The following NPFFR2 variants were observed in gnomAD, a reference collection of about 807,000 sequenced individuals.
NPFFR2 encodes G-protein coupled receptor 74.
A neutral mutation model predicts 13.1 loss-of-function variants in NPFFR2; 15 were observed. That is an observed-to-expected ratio of 1.15 (90% CI 0.77 to 1.76). NPFFR2 has a LOEUF of 1.76. Among genes scored for constraint, NPFFR2 ranks in the 40% most tolerant of loss-of-function variants. The pLI is 0.00. For synonymous variants in NPFFR2, 190 were observed against 175.7 expected, an observed-to-expected ratio of 1.08 and a Z score of -0.65; for missense variants, 572 against 503.5, an observed-to-expected ratio of 1.14 and a Z score of -1.30.
intron 1 of NPFFR2, among the ~76,000 whole-genome samples, chr4:72,104,241 G>A (rs927238337): frequency 6.6e-6 from 1 of 151,900 alleles, no homozygotes; most frequent in Admixed American, 6.6e-5. Context: ...AGCTCTTTGG[G>A]TGCCCCATCA....
chr4:72,087,692 A>G (rs1414775601), intron 1 of NPFFR2, among the ~76,000 whole-genome samples: 1 of 152,076 alleles, frequency 6.6e-6, no homozygotes, highest in Non-Finnish European at 1.5e-5. Context: ...GCTGAAGATA[A>G]AGGAGAACTT....
At chr4:72,068,892 G>A (rs1029855377) in intron 1 of NPFFR2, 21 of 761,486 alleles carry the variant, frequency 2.8e-5, no homozygotes, top group Non-Finnish European at 4.2e-5. Flanking sequence ...GACACATATG[G>A]TTTGATTTCT....
chr4:72,128,516 C>T (rs1722134482), intron 1 of NPFFR2, 69 bp from the exon 2 acceptor site: 4 of 933,822 alleles, frequency 4.3e-6, no homozygotes, highest in African/African-American at 1.7e-5. Context: ...TCCTCTTAAA[C>T]TCAGGCACAG....
At chr4:72,086,284 G>C (rs1264942769) in intron 1 of NPFFR2, among the ~76,000 whole-genome samples, 1 of 152,030 alleles carries the variant, frequency 6.6e-6, no homozygotes, top group African/African-American at 2.4e-5. Context: ...TTTGCAGTGT[G>C]GTAATGGTTT....
intron 1 of NPFFR2, among the ~76,000 whole-genome samples, chr4:72,105,763 G>GA (rs998933044): frequency 1.6e-4 from 24 of 150,054 alleles, no homozygotes; most frequent in Middle Eastern, 3.4e-3. Context: ...TGACATCAAG[G>GA]AAAAAAAAAC....
intron 1 of NPFFR2, among the ~76,000 whole-genome samples, chr4:72,058,242 C>A: frequency 6.6e-6 from 1 of 151,664 alleles, no homozygotes; most frequent in Non-Finnish European, 1.5e-5. Context: ...ATAACTTACT[C>A]CTAGAGAGTT....
chr4:72,042,472 A>G (rs1180851043), intron 1 of NPFFR2, among the ~76,000 whole-genome samples: 4 of 152,200 alleles, frequency 2.6e-5, no homozygotes, highest in Non-Finnish European at 5.9e-5. Context: ...CAGAGGTTGG[A>G]ACAGTTTGGA....
At chr4:72,044,992 C>T (rs1380349368) in intron 1 of NPFFR2, among the ~76,000 whole-genome samples, 5 of 151,860 alleles carry the variant, frequency 3.3e-5, no homozygotes, top group Non-Finnish European at 7.4e-5. Flanking sequence ...GAATTGTTTC[C>T]CTATTTTTTT....
At chr4:72,035,403 A>G (rs1719017060) in intron 1 of NPFFR2, among the ~76,000 whole-genome samples, 1 of 150,768 alleles carries the variant, frequency 6.6e-6, no homozygotes, top group Non-Finnish European at 1.5e-5. Context: ...ATTTCGCAGT[A>G]TAGTTTCTAT....
chr4:72,133,470 A>G (rs531052061), intron 2 of NPFFR2, among the ~76,000 whole-genome samples: 1 of 152,136 alleles, frequency 6.6e-6, no homozygotes, highest in African/African-American at 2.4e-5. Context: ...CTTTTTACTT[A>G]GGATTGCTTT....
chr4:72,057,993 G>T lies in NPFFR2; in HGVS notation c.-8+25793G>T, dbSNP rs28701592. ...ATACTTCCAGAAACCTCAAAGTTAT[G>T]AAAGACAGGAAGAGAGGATGGAGAG... On this transcript the variant is annotated intron_variant, in intron 1 of 3. Coordinates refer to ENST00000308744, the MANE Select transcript of NPFFR2 (RefSeq NM_004885.3). Among the ~76,000 whole-genome samples, 1,217 of 152,090 alleles carry T rather than the reference G, an allele frequency of 8.0e-3. 8 individuals are homozygous for T. Among genetic ancestry groups the T allele is most frequent in the African/African-American group, 0.017 (705 of 41,528 alleles).
At chr4:72,133,710 A>G (rs1169443152) in intron 2 of NPFFR2, among the ~76,000 whole-genome samples, 3 of 152,248 alleles carry the variant, frequency 2.0e-5, no homozygotes, top group Admixed American at 6.5e-5. Flanking sequence ...TTCTCCTTGT[A>G]GAAATCTTTC....
intron 1 of NPFFR2, among the ~76,000 whole-genome samples, chr4:72,117,769 T>C (rs28450802): frequency 4.9e-3 from 753 of 152,288 alleles, no homozygotes; most frequent in Middle Eastern, 0.014. Flanking sequence ...TACCACCTGC[T>C]TCAGGAATCC....
intron 1 of NPFFR2, among the ~76,000 whole-genome samples, chr4:72,102,644 C>T (rs34315695): frequency 0.27 from 40,238 of 150,018 alleles, 5,972 homozygotes; most frequent in Middle Eastern, 0.39. Context: ...TTTGTCCTTG[C>T]GATAGTTTGC....
intron 1 of NPFFR2, among the ~76,000 whole-genome samples, chr4:72,084,478 A>G (rs1317523791): frequency 6.6e-6 from 1 of 152,204 alleles, no homozygotes; most frequent in African/African-American, 2.4e-5. Flanking sequence ...GAACAATAAA[A>G]TGACTATATC....
chr4:72,033,400 T>C lies in NPFFR2; in HGVS notation c.-8+1200T>C, dbSNP rs181879351. 3.0e-3 allele frequency among the ~76,000 whole-genome samples: 451 copies of C among 152,128 alleles called. 2 individuals carry two copies. The highest frequency in any genetic ancestry group is 0.011 in the African/African-American group (443 of 41,528). ...AGTGCAGTAACAGTACCTACTGCAC[T>C]ATATTTAAAGGCACATATTAACATT... On this transcript the variant is annotated intron_variant, in intron 1 of 3. Coordinates refer to ENST00000308744, the MANE Select transcript of NPFFR2 (RefSeq NM_004885.3).
chr4:72,104,519 A>T (rs989033579), intron 1 of NPFFR2, among the ~76,000 whole-genome samples: 3 of 152,074 alleles, frequency 2.0e-5, no homozygotes, highest in African/African-American at 7.2e-5. Context: ...CCCGTGCCTA[A>T]TTTCCACTAA....
intron 2 of NPFFR2, among the ~76,000 whole-genome samples, chr4:72,131,158 C>T (rs993300663): frequency 1.3e-5 from 2 of 151,740 alleles, no homozygotes; most frequent in South Asian, 2.1e-4. Context: ...GGATGCGGGG[C>T]GTGGCAGGGC....
intron 1 of NPFFR2, among the ~76,000 whole-genome samples, chr4:72,120,455 G>C (rs1035065464): frequency 6.6e-6 from 1 of 152,204 alleles, no homozygotes; most frequent in Non-Finnish European, 1.5e-5. Context: ...TGAGTCCCCT[G>C]ACTGGGAGAC....
Sources: gnomAD v4.1 joint callset for allele counts (sites outside exome capture counted in the v4.1 genomes callset) on GRCh38, gnomAD v4.1.1 for gene constraint, MANE v1.5 for transcripts, NCBI Gene and HGNC (gene_info 2026-07-23, HGNC 2026-07-21) for gene names.